The following NXPE4 variants were observed in gnomAD, a reference collection of about 807,000 sequenced individuals.
The protein encoded by NXPE4 is neurexophilin and PC-esterase domain family member 4, also known as NXPE family member 4.
A neutral mutation model predicts 33.3 loss-of-function variants in NXPE4; 42 were observed. The ratio of observed to expected loss-of-function variants is 1.26; its 90% CI spans 0.98 to 1.63. The LOEUF (loss-of-function observed/expected upper bound fraction) is 1.63. NXPE4 is among the 40% of genes most tolerant of loss of function. NXPE4 has a pLI of 0.00. For missense variants in NXPE4, 709 were observed against 647.6 expected (o/e 1.09, Z -1.03); for synonymous variants, 253 against 234.9 (o/e 1.08, Z -0.71).
At chr11:114,614,272 T>G in the NXPE4 span, among the ~76,000 whole-genome samples, 2 of 151,528 alleles carry the variant, frequency 1.3e-5, no homozygotes, top group Non-Finnish European at 2.9e-5. Flanking sequence ...TATTGCTTCA[T>G]GGGTAAGCCC....
the NXPE4 span, among the ~76,000 whole-genome samples, chr11:114,673,268 C>T: frequency 5.3e-5 from 8 of 151,318 alleles, no homozygotes; most frequent in Non-Finnish European, 1.0e-4. Context: ...TCAGAATACA[C>T]TTTCAGATGA....
At position 114,571,395 on chromosome 11, in the gene NXPE4, A is replaced by G. The variant is rs112319475; in HGVS notation, c.1178T>C (p.Ile393Thr). The part of the protein sequence containing the change: ...LAVDLDRNIN[I>T]QWQKYCYPLI... ...GGGATAACAATATTTTTGCCACTGGATGTTGATGTTCCTATCCAAATCCAC... is the reference window on the plus strand; with the variant it reads ...GGGATAACAATATTTTTGCCACTGGGTGTTGATGTTCCTATCCAAATCCAC... Residue 393 changes from isoleucine (I) to threonine (T), a missense_variant, in exon 6 of 6, where the codon ATC becomes ACC. By Grantham distance (89) the Ile-to-Thr change is moderately conservative. Coordinates refer to ENST00000375478, the MANE Select transcript of NXPE4 (RefSeq NM_001077639.2). 45 of 1,613,898 alleles carry G rather than the reference A, an allele frequency of 2.8e-5. 2 individuals are homozygous for G. Among genetic ancestry groups the G allele is most frequent in the African/African-American group, 2.0e-4 (15 of 75,020 alleles).
At chr11:114,591,783 A>G (rs190839728) in intron 2 of NXPE4, among the ~76,000 whole-genome samples, 2 of 152,244 alleles carry the variant, frequency 1.3e-5, no homozygotes, top group East Asian at 3.9e-4. Flanking sequence ...TGCTAAAAGT[A>G]GTGGCCTACA....
At chr11:114,672,133 G>A in the NXPE4 span, among the ~76,000 whole-genome samples, 10 of 151,860 alleles carry the variant, frequency 6.6e-5, no homozygotes, top group Admixed American at 6.6e-4. Flanking sequence ...CAGCAAGGGG[G>A]AAGTCCACCC....
chr11:114,637,002 A>AAT, the NXPE4 span, among the ~76,000 whole-genome samples: 1 of 152,142 alleles, frequency 6.6e-6, no homozygotes, highest in Non-Finnish European at 1.5e-5. Context: ...AGCTGAGTTC[A>AAT]ATTCCTGGGT....
At chr11:114,609,500 G>C in the NXPE4 span, among the ~76,000 whole-genome samples, 2 of 151,268 alleles carry the variant, frequency 1.3e-5, no homozygotes, top group Non-Finnish European at 3.0e-5. Context: ...ATTGTTACCT[G>C]GTGGATAATA....
the NXPE4 span, among the ~76,000 whole-genome samples, chr11:114,647,975 C>T: frequency 1.3e-5 from 2 of 152,154 alleles, no homozygotes; most frequent in Admixed American, 6.6e-5. Flanking sequence ...TCTGGGATTA[C>T]AGGCATGAGC....
chr11:114,643,261 T>C, the NXPE4 span, among the ~76,000 whole-genome samples: 1 of 152,174 alleles, frequency 6.6e-6, no homozygotes, highest in Non-Finnish European at 1.5e-5. Flanking sequence ...TTTAGTTTAA[T>C]TAGATCCCAT....
the NXPE4 span, among the ~76,000 whole-genome samples, chr11:114,631,491 G>A: frequency 4.4e-4 from 61 of 138,694 alleles, no homozygotes; most frequent in African/African-American, 1.6e-3. Flanking sequence ...CATGGACACA[G>A]GAAGGGGAAC....
chr11:114,628,849 G>A, the NXPE4 span, among the ~76,000 whole-genome samples: 72 of 151,916 alleles, frequency 4.7e-4, no homozygotes, highest in East Asian at 0.013. Flanking sequence ...TATCACCACC[G>A]ATCCCACAGA....
intron 2 of NXPE4, among the ~76,000 whole-genome samples, chr11:114,592,738 A>G (rs1177533459): frequency 6.6e-6 from 1 of 152,204 alleles, no homozygotes; most frequent in Non-Finnish European, 1.5e-5. Flanking sequence ...TCTGAGCAAA[A>G]AGAACAAAGC....
the NXPE4 span, among the ~76,000 whole-genome samples, chr11:114,627,748 C>T: frequency 2.6e-5 from 4 of 152,102 alleles, no homozygotes; most frequent in Non-Finnish European, 5.9e-5. Context: ...AGTCAAGACC[C>T]ATCAGTGTGC....
In NXPE4 at chr11:114,576,904, AC is replaced by A. The variant is rs199760862; in HGVS notation, c.1099+3227del. Among the ~76,000 whole-genome samples, 1,218 of 150,578 alleles carry A rather than the reference AC, an allele frequency of 8.1e-3. 12 individuals are homozygous for A. The highest frequency in any genetic ancestry group is 0.013 in the Non-Finnish European group (896 of 67,740). On this transcript the variant is annotated intron_variant, in intron 5 of 5. Transcript: ENST00000375478. The stretch of plus-strand genomic sequence containing the variant: ...CTTGTACACACATGTTTCTAGCAGC[AC>A]AATTTGCAATTGCAAAAATAAGGAA...
chr11:114,625,689 G>T, the NXPE4 span, among the ~76,000 whole-genome samples: 1 of 152,140 alleles, frequency 6.6e-6, no homozygotes, highest in African/African-American at 2.4e-5. Flanking sequence ...GGCCGAGTAG[G>T]AACAGCCCCG....
chr11:114,601,784 A>C, the NXPE4 span, among the ~76,000 whole-genome samples: 1 of 72,226 alleles, frequency 1.4e-5, no homozygotes, highest in South Asian at 4.3e-4. Flanking sequence ...ATAATTATAT[A>C]ACATGTGATA....
the NXPE4 span, among the ~76,000 whole-genome samples, chr11:114,624,566 C>T: frequency 1.3e-5 from 2 of 151,678 alleles, no homozygotes; most frequent in Admixed American, 6.6e-5. Flanking sequence ...TAAGTATTGC[C>T]CCGTGGGTAA....
the NXPE4 span, among the ~76,000 whole-genome samples, chr11:114,614,345 G>A: frequency 4.6e-5 from 7 of 151,770 alleles, no homozygotes; most frequent in African/African-American, 1.7e-4. Flanking sequence ...TGGATAATAA[G>A]TGTTGCCTCT....
chr11:114,576,106 C>T (rs1948988961), intron 5 of NXPE4, among the ~76,000 whole-genome samples: 1 of 151,942 alleles, frequency 6.6e-6, no homozygotes, highest in Non-Finnish European at 1.5e-5. Flanking sequence ...AGGGGAAGAA[C>T]ACCCTGTTCA....
chr11:114,638,331 T>G, the NXPE4 span, among the ~76,000 whole-genome samples: 1 of 152,096 alleles, frequency 6.6e-6, no homozygotes, highest in Non-Finnish European at 1.5e-5. Context: ...CTTTAAGCAC[T>G]TCTCTGTATT....
Sources: gnomAD v4.1 joint callset for allele counts (sites outside exome capture counted in the v4.1 genomes callset) on GRCh38, gnomAD v4.1.1 for gene constraint, MANE v1.5 for transcripts, NCBI Gene and HGNC (gene_info 2026-07-23, HGNC 2026-07-21) for gene names.